HK2: variants seen among roughly 807,000 people sequenced by gnomAD.
HK2 encodes hexokinase-2.
In HK2, 42 loss-of-function variants were observed where a neutral mutation model predicts 92.9. The ratio of observed to expected loss-of-function variants is 0.45; its 90% CI spans 0.35 to 0.58. HK2 has a LOEUF of 0.58. Ranked by LOEUF, HK2 falls within the 20% of genes least tolerant of loss-of-function variation. HK2 has a pLI of 0.00. For synonymous variants in HK2, 422 were observed against 468.0 expected (o/e 0.90, Z 1.27); for missense variants, 978 against 1,245.1 (o/e 0.79, Z 3.23).
intron 1 of HK2, among the ~76,000 whole-genome samples, chr2:74,852,010 A>G (rs1320774807): frequency 2.0e-5 from 3 of 152,234 alleles, no homozygotes; most frequent in Admixed American, 6.5e-5. Context: ...AAACTTCTCT[A>G]TCAAGCCAAA....
At chr2:74,887,442 C>A (rs2422046) in intron 15 of HK2, among the ~76,000 whole-genome samples, 26,725 of 151,502 alleles carry the variant, frequency 0.18, 2,403 homozygotes, top group Non-Finnish European at 0.18. Flanking sequence ...GGATGGGGGC[C>A]CTACAGCTGG....
At chr2:74,854,156 C>T (rs1688637225) in intron 1 of HK2, 137 bp from the exon 2 acceptor site, 6 of 845,950 alleles carry the variant, frequency 7.1e-6, no homozygotes, top group South Asian at 1.3e-5. Context: ...TCGGTTCCTA[C>T]TAATGGTCTT....
chr2:74,886,139 A>G (rs1427610578), intron 13 of HK2, among the ~76,000 whole-genome samples, 155 bp from the exon 14 acceptor site: 1 of 152,176 alleles, frequency 6.6e-6, no homozygotes, highest in Non-Finnish European at 1.5e-5. Flanking sequence ...GTCTCACCAA[A>G]GAGGTGACAT....
intron 1 of HK2, among the ~76,000 whole-genome samples, chr2:74,851,817 C>T (rs1688576744): frequency 6.6e-6 from 1 of 152,190 alleles, no homozygotes; most frequent in Non-Finnish European, 1.5e-5. Context: ...CCTCTGTGTG[C>T]CTCACTCTCC....
chr2:74,847,629 T>G (rs1573357839), intron 1 of HK2, among the ~76,000 whole-genome samples: 1 of 152,102 alleles, frequency 6.6e-6, no homozygotes, highest in Non-Finnish European at 1.5e-5. Context: ...GGCTGCAGCC[T>G]AGGAGTTTGA....
intron 2 of HK2, among the ~76,000 whole-genome samples, chr2:74,858,440 A>C (rs6730141): frequency 0.37 from 55,884 of 151,990 alleles, 12,966 homozygotes; most frequent in African/African-American, 0.64. Context: ...GCGATTTATG[A>C]TGTGATCCTC....
chr2:74,864,925 C>T (rs932302942), intron 2 of HK2, among the ~76,000 whole-genome samples: 2 of 152,196 alleles, frequency 1.3e-5, no homozygotes, highest in Admixed American at 6.5e-5. Context: ...GCTCAGAGAG[C>T]CCTGTGATGT....
chr2:74,891,288 T>A lies in HK2; in HGVS notation c.*347T>A, dbSNP rs1689671302. On this transcript the variant is annotated 3_prime_UTR_variant, in exon 18 of 18. Transcript: ENST00000290573. ...GGACACTAATGAAGATACGGTTGCTTCACCTTGGAGCCTGAACATGACATT... is the reference window on the plus strand; with the variant it reads ...GGACACTAATGAAGATACGGTTGCTACACCTTGGAGCCTGAACATGACATT... 1 of 343,912 alleles carries A rather than the reference T, an allele frequency of 2.9e-6. No homozygotes were observed. The highest frequency in any genetic ancestry group is 5.6e-6 in the Non-Finnish European group (1 of 177,776). 21.3% of individuals were successfully genotyped at this position (343,912 alleles called of 1,614,324 possible).
At chr2:74,841,640 A>G (rs1194833323) in intron 1 of HK2, among the ~76,000 whole-genome samples, 1 of 152,220 alleles carries the variant, frequency 6.6e-6, no homozygotes, top group Non-Finnish European at 1.5e-5. Flanking sequence ...AGTTCACAGC[A>G]GTCTGCAGAT....
At chr2:74,845,550 AAGCC>A (rs1688415298) in intron 1 of HK2, among the ~76,000 whole-genome samples, 1 of 152,244 alleles carries the variant, frequency 6.6e-6, no homozygotes, top group South Asian at 2.1e-4. Flanking sequence ...GAAGAACAGG[AAGCC>A]CTGTGACTCA....
rs751954271 is a variant in HK2 at position 74,880,228 on chromosome 2, T to A, written c.1266-37T>A. On this transcript the variant is annotated intron_variant, in intron 9 of 17. Transcript: ENST00000290573. Reference sequence around the variant, plus strand: ...CTATTTGCACCATTGACCCTAACCATGGACACCTGTCTCTTACCCGCCCTG... The same window carrying A: ...CTATTTGCACCATTGACCCTAACCAAGGACACCTGTCTCTTACCCGCCCTG... 4 of 1,611,742 alleles carry A rather than the reference T, an allele frequency of 2.5e-6. No individual in the cohort carries two copies. In the African/African-American group the frequency reaches 5.3e-5, roughly 22 times the overall value.
rs746112047 is a variant in HK2, at chr2:74,889,386, C to T, written c.2517C>T (p.Ala839=). ...CCCAGCTCTGTGGCGCAGGCATGGC[C>T]GCTGTGGTGGACAGGATACGAGAAA... is the stretch of plus-strand genomic sequence containing the variant. The part of the protein sequence containing the change: ...RAAQLCGAGM[A]AVVDRIRENR... The change falls in exon 17 of 18, where the codon GCC becomes GCT. Residue 839 remains alanine (A), a synonymous_variant. Transcript: ENST00000290573. 35 of 1,614,176 alleles carry T rather than the reference C, an allele frequency of 2.2e-5. No individual in the cohort carries two copies. The Middle Eastern group carries it at 6.6e-4, about 30-fold the overall frequency.
chr2:74,881,594 A>G, intron 10 of HK2, 117 bp from the exon 11 acceptor site: 2 of 1,000,528 alleles, frequency 2.0e-6, no homozygotes, highest in Non-Finnish European at 3.2e-6. Flanking sequence ...TCTAGAATGT[A>G]ATATAAAGTG....
chr2:74,881,998 T>C (rs1402091304), intron 11 of HK2, 122 bp from the exon 12 acceptor site: 3 of 1,408,306 alleles, frequency 2.1e-6, no homozygotes, highest in Non-Finnish European at 3.0e-6. Flanking sequence ...TTGACTCAGG[T>C]TTGTGCCTGA....
chr2:74,845,754 C>T (rs939543566), intron 1 of HK2, among the ~76,000 whole-genome samples: 16 of 152,220 alleles, frequency 1.1e-4, no homozygotes, highest in African/African-American at 2.9e-4. Flanking sequence ...ATCTGAGTTT[C>T]GGTTCATGGG....
rs559238836 is a variant in HK2, at chr2:74,890,376, C to T, written c.2610-421C>T. Among the ~76,000 whole-genome samples, 14 of 152,302 alleles carry T rather than the reference C, an allele frequency of 9.2e-5. 1 individual carries two copies. The East Asian group carries it at 2.3e-3, about 25-fold the overall frequency. On this transcript the variant is annotated intron_variant, in intron 17 of 17. Transcript: ENST00000290573. Reference sequence around the variant, plus strand: ...CATGTGGCTCTGATATGAGGCTATGCGCCAGGAAAATAGAAAATCACATTC... The same window carrying T: ...CATGTGGCTCTGATATGAGGCTATGTGCCAGGAAAATAGAAAATCACATTC...
In HK2 at chr2:74,880,404, G is replaced by A; in HGVS notation, c.1405G>A (p.Ala469Thr). Residue 469 changes from alanine to threonine, a missense_variant, in exon 10 of 18, where the codon GCC becomes ACC. Ala to Thr is a moderately conservative substitution (Grantham distance 58). This residue lies in a region of HK2 where 742 missense variants were observed against 922.5 expected (regional missense o/e 0.80). Coordinates refer to ENST00000290573, the MANE Select transcript of HK2 (RefSeq NM_000189.5). ...VAYRLADQHRARQKTLEHLQL... is the reference protein window; with the variant it reads ...VAYRLADQHRTRQKTLEHLQL... ...TTACCGGCTGGCCGATCAACACCGT[G>A]CCCGCCAGAAGACATTAGAGCATCT... 1 of 1,614,224 alleles carries A rather than the reference G, an allele frequency of 6.2e-7. No individual in the cohort carries two copies.
chr2:74,874,020 A>G, intron 6 of HK2, 77 bp downstream of exon 6: 5 of 1,155,460 alleles, frequency 4.3e-6, no homozygotes, highest in Non-Finnish European at 6.5e-6. Context: ...GAAGGGGCCC[A>G]TGGGCTGGGT....
intron 2 of HK2, among the ~76,000 whole-genome samples, chr2:74,862,971 C>G (rs971458215): frequency 1.3e-5 from 2 of 152,216 alleles, no homozygotes; most frequent in Non-Finnish European, 2.9e-5. Flanking sequence ...ATGGCTAATG[C>G]ATGTTAGAGT....
Sources: gnomAD v4.1 joint callset for allele counts (sites outside exome capture counted in the v4.1 genomes callset) on GRCh38, gnomAD v4.1.1 for gene constraint, gnomAD v4.1.1 regional missense constraint, MANE v1.5 for transcripts, NCBI Gene and HGNC (gene_info 2026-07-23, HGNC 2026-07-21) for gene names.